Variants in GLIS3 observed in about 807,000 individuals in gnomAD.
The protein encoded by GLIS3 is zinc finger protein GLIS3.
A neutral mutation model predicts 78.6 loss-of-function variants in GLIS3; 53 were observed. That is an observed-to-expected ratio of 0.67 (90% CI 0.54 to 0.85). The LOEUF (loss-of-function observed/expected upper bound fraction) is 0.85. GLIS3 is among the 40% of genes least tolerant of loss of function. GLIS3 has a pLI of 0.00. For missense variants in GLIS3, 1,703 were observed against 1,231.1 expected (o/e 1.38, Z -5.74); for synonymous variants, 684 against 509.9 (o/e 1.34, Z -4.60).
chr9:4,159,210 T>C (rs1395222070), intron 2 of GLIS3, among the ~76,000 whole-genome samples: 8 of 152,114 alleles, frequency 5.3e-5, no homozygotes, highest in South Asian at 2.1e-4. Flanking sequence ...ATGATTCTCA[T>C]GGTTAACAAA....
At chr9:4,301,438 T>G (rs1313325955), upstream of GLIS3, among the ~76,000 whole-genome samples, 4 of 152,214 alleles carry the variant, frequency 2.6e-5, no homozygotes, top group Admixed American at 2.6e-4. Flanking sequence ...AACCAAGTGG[T>G]GGAAATTGCC....
chr9:4,413,254 T>G, the GLIS3 span, among the ~76,000 whole-genome samples: 2,658 of 152,260 alleles, frequency 0.017, 67 homozygotes, highest in African/African-American at 0.057. Flanking sequence ...TGGGAAGAAT[T>G]AAATGAGATT....
intron 4 of GLIS3, among the ~76,000 whole-genome samples, chr9:3,965,417 C>G (rs1241235793): frequency 6.6e-6 from 1 of 152,034 alleles, no homozygotes; most frequent in Non-Finnish European, 1.5e-5. Context: ...TAGTCTGGAA[C>G]TCTTGACCTC....
At chr9:4,199,356 G>A (rs181317397) in intron 2 of GLIS3, among the ~76,000 whole-genome samples, 188 of 152,004 alleles carry the variant, frequency 1.2e-3, no homozygotes, top group African/African-American at 3.6e-3. Context: ...CAAAGTAAAG[G>A]TTTAGAGAAG....
At chr9:4,005,642 G>A (rs1381433178) in intron 4 of GLIS3, among the ~76,000 whole-genome samples, 1 of 152,134 alleles carries the variant, frequency 6.6e-6, no homozygotes. Flanking sequence ...AAGGACTTGG[G>A]CCAGCCGCTA....
chr9:4,263,194 G>A (rs961086236), intron 2 of GLIS3, among the ~76,000 whole-genome samples: 2 of 152,168 alleles, frequency 1.3e-5, no homozygotes, highest in African/African-American at 4.8e-5. Context: ...CATCCTTTGG[G>A]TAAGTGATAA....
intron 2 of GLIS3, among the ~76,000 whole-genome samples, chr9:4,158,799 A>G (rs1357237239): frequency 6.6e-6 from 1 of 152,198 alleles, no homozygotes; most frequent in Non-Finnish European, 1.5e-5. Flanking sequence ...TGAACACGAT[A>G]ATTTCAAATA....
chr9:4,097,650 G>A (rs1464526676), intron 4 of GLIS3, among the ~76,000 whole-genome samples: 1 of 152,162 alleles, frequency 6.6e-6, no homozygotes, highest in African/African-American at 2.4e-5. Context: ...AAATATTTTA[G>A]AATAAAAACA....
At chr9:4,171,567 G>A (rs1015716238) in intron 2 of GLIS3, among the ~76,000 whole-genome samples, 9 of 152,136 alleles carry the variant, frequency 5.9e-5, no homozygotes, top group South Asian at 2.1e-4. Flanking sequence ...GGTTGATTTC[G>A]TTAAAGGATT....
rs115115115 is a variant in GLIS3 at position 4,053,614 on chromosome 9, T to C, written c.1710+64154A>G. Among the ~76,000 whole-genome samples the C allele has an allele frequency of 1.8e-3, 259 of 146,438 alleles. 3 individuals carry two copies. The highest frequency in any genetic ancestry group is 6.3e-3 in the African/African-American group (249 of 39,412). On this transcript the variant is annotated intron_variant, in intron 4 of 10. Coordinates refer to ENST00000381971, the MANE Select transcript of GLIS3 (RefSeq NM_001042413.2). ...AGCAGGTCTTTCTCTAGTGGATAAA[T>C]GTCTCAATGGTGCTCAAGGCTAAAA...
the GLIS3 span, among the ~76,000 whole-genome samples, chr9:4,373,432 G>T: frequency 7.2e-3 from 1,092 of 152,228 alleles, 16 homozygotes; most frequent in African/African-American, 0.024. Context: ...CTTTCCACAT[G>T]GTTCTGATAG....
chr9:4,192,225 T>A (rs1352581652), intron 2 of GLIS3, among the ~76,000 whole-genome samples: 1 of 152,228 alleles, frequency 6.6e-6, no homozygotes, highest in Non-Finnish European at 1.5e-5. Flanking sequence ...CAGCATTCAG[T>A]TTTGTTTCAT....
chr9:4,335,944 G>A (rs774464137), intron 2 of GLIS3, among the ~76,000 whole-genome samples: 15 of 152,102 alleles, frequency 9.9e-5, no homozygotes, highest in Admixed American at 2.0e-4. Context: ...TGCGGACTTC[G>A]GTAAATTTAC....
the GLIS3 span, among the ~76,000 whole-genome samples, chr9:4,360,561 C>T: frequency 6.6e-6 from 1 of 152,156 alleles, no homozygotes; most frequent in African/African-American, 2.4e-5. Context: ...ATTTATTCCT[C>T]ACCTTAACTC....
chr9:4,306,841 G>A (rs908397957), intron 4 of GLIS3, among the ~76,000 whole-genome samples: 1 of 152,170 alleles, frequency 6.6e-6, no homozygotes, highest in East Asian at 1.9e-4. Flanking sequence ...GATACCCCTT[G>A]CTGATATAAG....
chr9:4,424,732 G>GT, the GLIS3 span, among the ~76,000 whole-genome samples: 3 of 152,070 alleles, frequency 2.0e-5, no homozygotes, highest in South Asian at 2.1e-4. Flanking sequence ...CCTGGCTAAT[G>GT]TTTTTTATTT....
At chr9:4,110,794 C>T (rs181472438) in intron 4 of GLIS3, among the ~76,000 whole-genome samples, 3 of 152,070 alleles carry the variant, frequency 2.0e-5, no homozygotes. Flanking sequence ...AATAAATCTA[C>T]CTGGAAAAAA....
chr9:4,332,508 G>C (rs149030615), intron 2 of GLIS3, among the ~76,000 whole-genome samples: 1 of 152,228 alleles, frequency 6.6e-6, no homozygotes, highest in East Asian at 1.9e-4. Flanking sequence ...CCTCTCTCCC[G>C]TCTTGCTGGC....
chr9:4,232,252 A>G lies in GLIS3; in HGVS notation c.388+53786T>C, dbSNP rs942285923. ...AAATTAGCCAGGCATGGTGGCATGC[A>G]CCTCTGTAGTACCAGCTATTTGAGA... On this transcript the variant is annotated intron_variant, in intron 2 of 10. Transcript: ENST00000381971. Among the ~76,000 whole-genome samples, 5 of 151,846 alleles carry G rather than the reference A, an allele frequency of 3.3e-5. No homozygotes were observed. In the East Asian group the frequency reaches 5.8e-4, roughly 18 times the overall value.
Sources: allele counts gnomAD v4.1 joint callset (sites outside exome capture counted in the v4.1 genomes callset), GRCh38; gene constraint gnomAD v4.1.1; transcripts MANE v1.5; gene names NCBI Gene and HGNC (gene_info 2026-07-23, HGNC 2026-07-21).